NFATC1: variants seen among roughly 807,000 people sequenced by gnomAD.
NFATC1 encodes nuclear factor of activated T cells 1.
Under a neutral mutation model 76.0 loss-of-function variants are expected in NFATC1, and 22 were observed. That is an observed-to-expected ratio of 0.29 (90% CI 0.21 to 0.41). NFATC1 has a LOEUF of 0.41. Ranked by LOEUF, NFATC1 falls within the 10% of genes least tolerant of loss-of-function variation. The probability of loss-of-function intolerance (pLI) is 1.00; values close to 1 mark genes in which losing one functional copy is unlikely to be tolerated. For synonymous variants in NFATC1, 704 were observed against 613.1 expected (o/e 1.15, Z -2.19); for missense variants, 1,357 against 1,337.7 (o/e 1.01, Z -0.23).
At chr18:79,431,544 T>G (rs1214668236) in intron 2 of NFATC1, among the ~76,000 whole-genome samples, 2 of 152,110 alleles carry the variant, frequency 1.3e-5, no homozygotes, top group African/African-American at 4.8e-5. Context: ...CACCACCACG[T>G]CCTGCTCATG....
At chr18:79,398,864 C>G (rs1180616697) in intron 1 of NFATC1, among the ~76,000 whole-genome samples, 1 of 152,208 alleles carries the variant, frequency 6.6e-6, no homozygotes, top group African/African-American at 2.4e-5. Context: ...GTCAAGAGAT[C>G]GAGACCATCC....
intron 2 of NFATC1, among the ~76,000 whole-genome samples, chr18:79,424,703 TTC>T (rs1372798322): frequency 3.0e-5 from 4 of 135,170 alleles, no homozygotes; most frequent in Non-Finnish European, 4.8e-5. Context: ...CTCTCTGTGT[TTC>T]TCTGTGTCTG....
intron 4 of NFATC1, 86 bp downstream of exon 4, chr18:79,449,070 C>T: frequency 1.5e-6 from 2 of 1,362,330 alleles, no homozygotes; most frequent in South Asian, 2.7e-5. Context: ...TCTGGCCAGC[C>T]CCCCGCACTT....
At chr18:79,490,187 G>A (rs1249821615) in intron 9 of NFATC1, among the ~76,000 whole-genome samples, 1 of 152,206 alleles carries the variant, frequency 6.6e-6, no homozygotes, top group Non-Finnish European at 1.5e-5. Context: ...CTCGTGGTGT[G>A]TGTGAAGGGG....
intron 7 of NFATC1, among the ~76,000 whole-genome samples, chr18:79,461,604 G>A (rs1188721438): frequency 3.3e-5 from 5 of 152,210 alleles, no homozygotes; most frequent in South Asian, 4.1e-4. Flanking sequence ...GAGCCCTGGC[G>A]GCCGGGGACG....
chr18:79,510,638 G>A (rs2145171052), intron 9 of NFATC1, among the ~76,000 whole-genome samples: 1 of 152,360 alleles, frequency 6.6e-6, no homozygotes, highest in South Asian at 2.1e-4. Flanking sequence ...AAACCCTGAG[G>A]ATGAGATGCA....
chr18:79,515,159 A>G (rs1231928823), intron 9 of NFATC1, among the ~76,000 whole-genome samples: 1 of 152,096 alleles, frequency 6.6e-6, no homozygotes, highest in East Asian at 1.9e-4. Context: ...AGCGTGGCCA[A>G]CATGGCGAAA....
At chr18:79,454,323 C>G (rs2087596237) in intron 6 of NFATC1, among the ~76,000 whole-genome samples, 2 of 152,224 alleles carry the variant, frequency 1.3e-5, no homozygotes, top group Admixed American at 6.5e-5. Flanking sequence ...TCCAGGCCAG[C>G]TCAGCCTCTG....
intron 9 of NFATC1, among the ~76,000 whole-genome samples, chr18:79,526,705 G>A (rs913237260): frequency 1.3e-5 from 2 of 152,234 alleles, no homozygotes; most frequent in Non-Finnish European, 2.9e-5. Flanking sequence ...AAAATAGTCG[G>A]GGGTTGTTGA....
rs563457924 is a variant in NFATC1 at position 79,473,982 on chromosome 18, G to A, written c.2092+6400G>A. 2.9e-3 allele frequency among the ~76,000 whole-genome samples: 371 copies of A among 128,730 alleles called. 18 individuals carry two copies. Among genetic ancestry groups the A allele is most frequent in the African/African-American group, 0.011 (296 of 27,782 alleles). 84.5% of individuals were successfully genotyped at this position (128,730 alleles called of 152,430 possible). A position where few individuals can be genotyped will look rare whatever the true frequency, so the allele number is the denominator to read the frequency against. On this transcript the variant is annotated intron_variant, in intron 8 of 9. Transcript: ENST00000427363. ...GCGTGTTCTCGCGCTCACTGTCGACGTTGCGAGGGAAGCGTTTTCACACTC... is the reference window on the plus strand; with the variant it reads ...GCGTGTTCTCGCGCTCACTGTCGACATTGCGAGGGAAGCGTTTTCACACTC...
intron 8 of NFATC1, among the ~76,000 whole-genome samples, chr18:79,477,134 C>T (rs1219283120): frequency 4.6e-5 from 7 of 152,200 alleles, no homozygotes; most frequent in Non-Finnish European, 2.9e-5. Context: ...GATAAGGCAG[C>T]TTCATCCGCT....
At chr18:79,474,094 G>A (rs1205541680) in intron 8 of NFATC1, among the ~76,000 whole-genome samples, 4 of 143,176 alleles carry the variant, frequency 2.8e-5, no homozygotes, top group East Asian at 2.1e-4. Context: ...GCTCACTGTC[G>A]ACGTTGTAAA....
chr18:79,517,831 ATTAAG>A (rs1440268453), intron 9 of NFATC1, among the ~76,000 whole-genome samples: 2 of 152,240 alleles, frequency 1.3e-5, no homozygotes, highest in Middle Eastern at 3.2e-3. Flanking sequence ...GTTTTGTGCA[ATTAAG>A]TTAGTGGTAC....
At chr18:79,459,749 A>G (rs2087959499) in intron 6 of NFATC1, among the ~76,000 whole-genome samples, 1 of 152,134 alleles carries the variant, frequency 6.6e-6, no homozygotes, top group Non-Finnish European at 1.5e-5. Context: ...GTCATAAGAA[A>G]AGTTCAAAAG....
chr18:79,455,527 C>T (rs1000529910), intron 6 of NFATC1, among the ~76,000 whole-genome samples: 1 of 152,182 alleles, frequency 6.6e-6, no homozygotes. Context: ...AGGCCTGGAC[C>T]CAGTGCCGTG....
At chr18:79,492,485 G>A (rs2089708822) in intron 9 of NFATC1, among the ~76,000 whole-genome samples, 1 of 152,012 alleles carries the variant, frequency 6.6e-6, no homozygotes, top group South Asian at 2.1e-4. Context: ...TGAGGCGGGT[G>A]GATCACGAGG....
intron 8 of NFATC1, among the ~76,000 whole-genome samples, chr18:79,476,686 T>C (rs933224262): frequency 1.3e-5 from 2 of 152,176 alleles, no homozygotes; most frequent in African/African-American, 2.4e-5. Flanking sequence ...GGGAATTCTC[T>C]CACCCCGACC....
intron 3 of NFATC1, among the ~76,000 whole-genome samples, chr18:79,440,873 G>A (rs114179253): frequency 1.2e-3 from 184 of 152,236 alleles, no homozygotes; most frequent in African/African-American, 4.2e-3. Context: ...TGTCTGTGAC[G>A]TTGGTGGCTG....
At chr18:79,471,299 GGCGTCC>G (rs1569002275) in intron 8 of NFATC1, among the ~76,000 whole-genome samples, 1 of 152,132 alleles carries the variant, frequency 6.6e-6, no homozygotes, top group African/African-American at 2.4e-5. Context: ...TTAGAAAGGC[GGCGTCC>G]GCGTGGCCTG....
Sources: allele counts gnomAD v4.1 joint callset (sites outside exome capture counted in the v4.1 genomes callset), GRCh38; gene constraint gnomAD v4.1.1; transcripts MANE v1.5; gene names NCBI Gene and HGNC (gene_info 2026-07-23, HGNC 2026-07-21).